The following MTUS2 variants were observed in gnomAD, a reference collection of about 807,000 sequenced individuals.
MTUS2 encodes microtubule associated scaffold protein 2, also known as microtubule-associated tumor suppressor candidate 2.
A neutral mutation model predicts 114.1 loss-of-function variants in MTUS2; 40 were observed. The observed-to-expected ratio is 0.35, with a 90% confidence interval of 0.27 to 0.46. The LOEUF (loss-of-function observed/expected upper bound fraction) is 0.46, where lower values mean the gene tolerates loss of function less well. Among genes scored for constraint, MTUS2 ranks in the 20% least tolerant of loss-of-function variants. The probability of loss-of-function intolerance (pLI) is 1.00; values close to 1 mark genes in which losing one functional copy is unlikely to be tolerated. For missense variants in MTUS2, 1,679 were observed against 1,705.4 expected, an observed-to-expected ratio of 0.98 and a Z score of 0.27; for synonymous variants, 688 against 672.0, an observed-to-expected ratio of 1.02 and a Z score of -0.37.
At chr13:29,440,277 T>C (rs549585764) in intron 9 of MTUS2, among the ~76,000 whole-genome samples, 4 of 152,206 alleles carry the variant, frequency 2.6e-5, no homozygotes, top group Non-Finnish European at 4.4e-5. Flanking sequence ...ACAGTGGAAC[T>C]CATCAGGTCT....
At chr13:29,289,968 G>C (rs1054514162) in intron 6 of MTUS2, among the ~76,000 whole-genome samples, 1 of 152,128 alleles carries the variant, frequency 6.6e-6, no homozygotes, top group African/African-American at 2.4e-5. Context: ...CTCTGCCCAT[G>C]ATCAAATTTC....
intron 5 of MTUS2, among the ~76,000 whole-genome samples, chr13:29,179,291 G>T (rs1238216776): frequency 6.6e-6 from 1 of 152,178 alleles, no homozygotes; most frequent in Non-Finnish European, 1.5e-5. Flanking sequence ...TTAACCATAT[G>T]CAGAGGACAG....
In MTUS2 at chr13:29,497,366, CG is replaced by C. The variant is rs1566239368; in HGVS notation, c.3678+31del. Reference sequence around the variant, plus strand: ...TTTCTGGATTCCAGGCTTCCAGCCCCGCAGGAACCCCGCCCCAGCAAGGCCG... The same window carrying C: ...TTTCTGGATTCCAGGCTTCCAGCCCCCAGGAACCCCGCCCCAGCAAGGCCG... On this transcript the variant is annotated intron_variant, in intron 13 of 15. Coordinates refer to ENST00000612955, the MANE Select transcript of MTUS2 (RefSeq NM_001033602.4). The C allele has an allele frequency of 5.0e-6, 8 of 1,585,230 alleles. No homozygotes were observed. In the Admixed American group the frequency reaches 1.4e-4, roughly 28 times the overall value.
chr13:29,240,794 T>C (rs1266958372), intron 5 of MTUS2, among the ~76,000 whole-genome samples: 2 of 152,156 alleles, frequency 1.3e-5, no homozygotes, highest in East Asian at 3.8e-4. Flanking sequence ...TTATGAAGAG[T>C]ATTTTTAATG....
intron 8 of MTUS2, among the ~76,000 whole-genome samples, chr13:29,390,288 G>A (rs926453856): frequency 2.6e-5 from 4 of 151,754 alleles, no homozygotes; most frequent in East Asian, 1.9e-4. Flanking sequence ...GAGGGTCAAG[G>A]GTGGCTTATG....
At chr13:29,295,818 A>G (rs1898916155) in intron 6 of MTUS2, among the ~76,000 whole-genome samples, 1 of 152,212 alleles carries the variant, frequency 6.6e-6, no homozygotes, top group African/African-American at 2.4e-5. Context: ...ACAGCAGTCA[A>G]GGGAGTGTGT....
intron 2 of MTUS2, among the ~76,000 whole-genome samples, chr13:28,987,522 C>G: frequency 6.6e-6 from 1 of 152,038 alleles, no homozygotes; most frequent in South Asian, 2.1e-4. Flanking sequence ...CACTTTTAGG[C>G]TTGAGGAAGC....
At chr13:29,141,550 C>T (rs1048316906) in intron 5 of MTUS2, among the ~76,000 whole-genome samples, 12 of 152,128 alleles carry the variant, frequency 7.9e-5, no homozygotes, top group East Asian at 1.9e-4. Context: ...AGCCCCATGA[C>T]GACAAGCTTT....
intron 8 of MTUS2, among the ~76,000 whole-genome samples, chr13:29,434,347 G>T (rs1012346177): frequency 6.6e-6 from 1 of 152,134 alleles, no homozygotes; most frequent in Non-Finnish European, 1.5e-5. Flanking sequence ...GGTGCTCTCT[G>T]CATATGCTGC....
intron 2 of MTUS2, among the ~76,000 whole-genome samples, chr13:28,875,968 C>G (rs1330520442): frequency 2.0e-5 from 3 of 152,194 alleles, no homozygotes; most frequent in African/African-American, 7.2e-5. Flanking sequence ...CAGAAAGGGC[C>G]AAATTCCTGC....
intron 5 of MTUS2, among the ~76,000 whole-genome samples, chr13:29,183,238 G>A (rs985333624): frequency 1.3e-5 from 2 of 149,440 alleles, no homozygotes; most frequent in Non-Finnish European, 3.0e-5. Context: ...ATGTCCTGAT[G>A]ATTGGATGTT....
At chr13:29,060,571 TTA>T (rs1888366668) in intron 4 of MTUS2, among the ~76,000 whole-genome samples, 1 of 149,978 alleles carries the variant, frequency 6.7e-6, no homozygotes. Context: ...TTTTTACTAT[TTA>T]CTTGGTAAAT....
chr13:29,446,452 A>G (rs757713513), intron 9 of MTUS2, among the ~76,000 whole-genome samples: 3 of 152,184 alleles, frequency 2.0e-5, no homozygotes, highest in Non-Finnish European at 4.4e-5. Flanking sequence ...TTCTCTTTCT[A>G]TATATCAGAG....
intron 5 of MTUS2, among the ~76,000 whole-genome samples, chr13:29,184,280 C>G (rs189617213): frequency 3.9e-5 from 6 of 152,308 alleles, no homozygotes; most frequent in South Asian, 2.1e-4. Context: ...TTCCCCACCC[C>G]CTCCAGGGGC....
intron 5 of MTUS2, among the ~76,000 whole-genome samples, chr13:29,196,020 T>C (rs981303896): frequency 3.9e-5 from 6 of 151,992 alleles, no homozygotes; most frequent in African/African-American, 1.4e-4. Flanking sequence ...GGAGGATGGA[T>C]TTGAGAGGTG....
rs547161978 is a variant in MTUS2, at chr13:29,295,133, T to A, written c.2806+13268T>A. On this transcript the variant is annotated intron_variant, in intron 6 of 15. Coordinates refer to ENST00000612955, the MANE Select transcript of MTUS2 (RefSeq NM_001033602.4). ...GACTGGCTGTTGCCTTTTTTTTTTT[T>A]ACTTTTATTATTTTTAATTCACACA... 2.4e-3 allele frequency among the ~76,000 whole-genome samples: 371 copies of A among 152,130 alleles called. 2 individuals carry two copies. The highest frequency in any genetic ancestry group is 8.6e-3 in the African/African-American group (358 of 41,486).
chr13:28,989,300 A>G (rs544752735), intron 2 of MTUS2, among the ~76,000 whole-genome samples: 1 of 152,198 alleles, frequency 6.6e-6, no homozygotes, highest in East Asian at 1.9e-4. Flanking sequence ...CCAAGACCCA[A>G]CCAGTGAAAG....
rs185271337 is a variant in MTUS2 at position 28,868,615 on chromosome 13, C to T, written c.-243+28765C>T. ...GAACCAGATCTTCCTGGGAAAACTA[C>T]CCCAAATTTATTTTGACAATCCAGT... On this transcript the variant is annotated intron_variant, in intron 2 of 15. Transcript: ENST00000612955. 1.5e-3 allele frequency among the ~76,000 whole-genome samples: 229 copies of T among 152,286 alleles called. No individual in the cohort carries two copies. The Middle Eastern group carries it at 0.02, about 14-fold the overall frequency.
chr13:28,905,421 T>G (rs1275059133), intron 2 of MTUS2, among the ~76,000 whole-genome samples: 2 of 151,660 alleles, frequency 1.3e-5, no homozygotes, highest in Non-Finnish European at 2.9e-5. Flanking sequence ...TATTTTGAGA[T>G]ACATCCCATC....
Sources: gnomAD v4.1 joint callset for allele counts (sites outside exome capture counted in the v4.1 genomes callset) on GRCh38, gnomAD v4.1.1 for gene constraint, MANE v1.5 for transcripts, NCBI Gene and HGNC (gene_info 2026-07-23, HGNC 2026-07-21) for gene names.